KIAA0825: variants seen among roughly 807,000 people sequenced by gnomAD.
The protein encoded by KIAA0825 is KIAA0825, also known as uncharacterized protein KIAA0825.
In KIAA0825, 119 loss-of-function variants were observed where a neutral mutation model predicts 147.6. The ratio of observed to expected loss-of-function variants is 0.81; its 90% CI spans 0.69 to 0.94. The LOEUF (loss-of-function observed/expected upper bound fraction) is 0.94. Ranked by LOEUF, KIAA0825 falls within the 40% of genes least tolerant of loss-of-function variation. The pLI is 0.00. For missense variants in KIAA0825, 1,381 were observed against 1,472.7 expected (o/e 0.94, Z 1.02); for synonymous variants, 470 against 518.1 (o/e 0.91, Z 1.26).
chr5:94,232,078 AC>A, intron 20 of KIAA0825, among the ~76,000 whole-genome samples: 1 of 152,268 alleles, frequency 6.6e-6, no homozygotes, highest in Non-Finnish European at 1.5e-5. Flanking sequence ...ATACAGAATA[AC>A]TAAAGACAGA....
chr5:94,507,399 G>A (rs1242110583), intron 5 of KIAA0825, among the ~76,000 whole-genome samples: 1 of 152,144 alleles, frequency 6.6e-6, no homozygotes, highest in African/African-American at 2.4e-5. Flanking sequence ...GCTGCAGTAA[G>A]CTGAGATTGC....
In KIAA0825 at chr5:94,357,144, AAAAAAATAGATTAC is replaced by A. The variant is rs1235356251; in HGVS notation, c.3710+27210_3710+27223del. Among the ~76,000 whole-genome samples, 9 of 152,066 alleles carry A rather than the reference AAAAAAATAGATTAC, an allele frequency of 5.9e-5. 1 individual carries two copies. The highest frequency in any genetic ancestry group is 1.2e-4 in the Non-Finnish European group (8 of 68,008). Reference sequence around the variant, plus strand: ...TGAAGTAGAGAATTTCTTTTCGTTAAAAAAAATAGATTACAATACAGTCCTTCGGTTAAAACGCA... The same window carrying A: ...TGAAGTAGAGAATTTCTTTTCGTTAAAATACAGTCCTTCGGTTAAAACGCA... On this transcript the variant is annotated intron_variant, in intron 20 of 20. Coordinates refer to ENST00000682413, the MANE Select transcript of KIAA0825 (RefSeq NM_001145678.3).
intron 5 of KIAA0825, 52 bp downstream of exon 5, chr5:94,520,196 A>G (rs1356571071): frequency 1.5e-5 from 22 of 1,455,880 alleles, no homozygotes; most frequent in Non-Finnish European, 1.9e-5. Flanking sequence ...AGAAAATTAA[A>G]CATATTAAAA....
chr5:94,538,449 G>A (rs1476762376), intron 2 of KIAA0825, among the ~76,000 whole-genome samples: 1 of 152,228 alleles, frequency 6.6e-6, no homozygotes, highest in Non-Finnish European at 1.5e-5. Flanking sequence ...TCTCTAGTGA[G>A]AGCTAGTCAC....
At chr5:94,571,996 G>A (rs2152329236) in intron 2 of KIAA0825, among the ~76,000 whole-genome samples, 1 of 152,056 alleles carries the variant, frequency 6.6e-6, no homozygotes, top group South Asian at 2.1e-4. Flanking sequence ...ACTGAGGTGG[G>A]AGCATTGCTT....
intron 15 of KIAA0825, 72 bp from the exon 16 acceptor site, chr5:94,403,865 C>T: frequency 7.8e-7 from 1 of 1,284,302 alleles, no homozygotes; most frequent in South Asian, 1.4e-5. Context: ...AACTAGAATT[C>T]AGTTTTGTAA....
At chr5:94,223,107 C>A (rs1773815031) in intron 20 of KIAA0825, among the ~76,000 whole-genome samples, 1 of 152,232 alleles carries the variant, frequency 6.6e-6, no homozygotes, top group South Asian at 2.1e-4. Flanking sequence ...GCCTCCCCAA[C>A]TACCTCTTCC....
chr5:94,547,461 G>A (rs1377595835), intron 2 of KIAA0825, among the ~76,000 whole-genome samples: 2 of 152,106 alleles, frequency 1.3e-5, no homozygotes, highest in Non-Finnish European at 2.9e-5. Flanking sequence ...AATCCTGCTG[G>A]GCGCAGTAGC....
chr5:94,600,821 A>T (rs532892134), intron 1 of KIAA0825, among the ~76,000 whole-genome samples: 19 of 152,284 alleles, frequency 1.2e-4, no homozygotes, highest in Admixed American at 1.2e-3. Context: ...TGCTTCCTTA[A>T]GTGGGTCCCC....
rs1765855581 is a variant in KIAA0825, at chr5:94,507,278, T to C, written c.970+12970A>G. Reference sequence around the variant, plus strand: ...TCTTGGTCAACATAGTGAAATCCCATCACTGCTAAAATACAAAAAATTAGC... The same window carrying C: ...TCTTGGTCAACATAGTGAAATCCCACCACTGCTAAAATACAAAAAATTAGC... On this transcript the variant is annotated intron_variant, in intron 5 of 20. Coordinates refer to ENST00000682413, the MANE Select transcript of KIAA0825 (RefSeq NM_001145678.3). 3.9e-5 allele frequency among the ~76,000 whole-genome samples: 6 copies of C among 152,114 alleles called. No homozygotes were observed. The South Asian group carries it at 1.0e-3, about 26-fold the overall frequency.
At chr5:94,333,324 T>C (rs1272492033) in intron 20 of KIAA0825, among the ~76,000 whole-genome samples, 1 of 152,210 alleles carries the variant, frequency 6.6e-6, no homozygotes, top group African/African-American at 2.4e-5. Flanking sequence ...TGAATGGTAT[T>C]GCCTAGGTTT....
At chr5:94,527,211 G>A (rs372393352) in intron 3 of KIAA0825, among the ~76,000 whole-genome samples, 3 of 152,088 alleles carry the variant, frequency 2.0e-5, no homozygotes, top group African/African-American at 7.2e-5. Flanking sequence ...CAAAAAGGCT[G>A]AGATGTCCTA....
intron 1 of KIAA0825, chr5:94,593,512 T>C (rs1404892345): frequency 3.2e-6 from 2 of 624,800 alleles, no homozygotes; most frequent in Non-Finnish European, 6.0e-6. Flanking sequence ...TCAACCACTA[T>C]TAGAAAGCTT....
At chr5:94,286,169 T>A (rs181735631) in intron 20 of KIAA0825, among the ~76,000 whole-genome samples, 2 of 152,156 alleles carry the variant, frequency 1.3e-5, no homozygotes, top group Non-Finnish European at 2.9e-5. Context: ...AGCAAAAATA[T>A]TGAGTGCTGA....
intron 20 of KIAA0825, among the ~76,000 whole-genome samples, chr5:94,224,468 C>G (rs886305619): frequency 6.6e-6 from 1 of 152,018 alleles, no homozygotes; most frequent in Non-Finnish European, 1.5e-5. Context: ...AAATTTCTAT[C>G]AGAGGAGAAT....
chr5:94,330,711 C>CAAAAA (rs3077674), intron 20 of KIAA0825, among the ~76,000 whole-genome samples: 6 of 151,646 alleles, frequency 4.0e-5, no homozygotes, highest in Non-Finnish European at 5.9e-5. Context: ...AAACTAAAAA[C>CAAAAA]AAAATAGAGA....
At chr5:94,380,198 T>C (rs1396701066) in intron 20 of KIAA0825, among the ~76,000 whole-genome samples, 1 of 152,206 alleles carries the variant, frequency 6.6e-6, no homozygotes, top group Admixed American at 6.5e-5. Flanking sequence ...ATTTTAAACA[T>C]ACAGAGCTTA....
Position 94,464,919 on chromosome 5 carries a change from G to A in KIAA0825, c.2013C>T (p.Ala671=), listed in dbSNP as rs1760297975. 1 of 1,551,618 alleles carries A rather than the reference G, an allele frequency of 6.4e-7. No homozygotes were observed. Among genetic ancestry groups the A allele is most frequent in the South Asian group, 1.2e-5 (1 of 84,050 alleles). Residue 671 remains alanine, a synonymous_variant, in exon 11 of 21, where the codon GCC becomes GCT. Coordinates refer to ENST00000682413, the MANE Select transcript of KIAA0825 (RefSeq NM_001145678.3). ...EVLEKSLSLL[A]SRYARAHPSR... is the part of the protein sequence containing the mutation. ...TGGGGTGGGCCCGAGCGTATCTGGAGGCCAGTAGACTCAAAGATTTCTCCA... is the reference window on the plus strand; with the variant it reads ...TGGGGTGGGCCCGAGCGTATCTGGAAGCCAGTAGACTCAAAGATTTCTCCA...
chr5:94,573,725 T>C (rs930906867), intron 2 of KIAA0825, among the ~76,000 whole-genome samples: 3 of 152,206 alleles, frequency 2.0e-5, no homozygotes, highest in Admixed American at 6.5e-5. Flanking sequence ...AGAGATTCTT[T>C]ACAGATGCAG....
Sources: allele counts gnomAD v4.1 joint callset (sites outside exome capture counted in the v4.1 genomes callset), GRCh38; gene constraint gnomAD v4.1.1; transcripts MANE v1.5; gene names NCBI Gene and HGNC (gene_info 2026-07-23, HGNC 2026-07-21).